Variants in ABCC12 observed in about 807,000 individuals in gnomAD.
ABCC12 encodes ATP binding cassette subfamily C member 12.
In ABCC12, 142 loss-of-function variants were observed where a neutral mutation model predicts 151.1. The ratio of observed to expected loss-of-function variants is 0.94; its 90% CI spans 0.82 to 1.08. The LOEUF (loss-of-function observed/expected upper bound fraction) is 1.08. Ranked by LOEUF, ABCC12 falls within the 50% of genes least tolerant of loss-of-function variation. ABCC12 has a pLI of 0.00. For missense variants in ABCC12, 1,638 were observed against 1,691.1 expected, an observed-to-expected ratio of 0.97 and a Z score of 0.55; for synonymous variants, 645 against 646.4, an observed-to-expected ratio of 1.00 and a Z score of 0.03.
intron 23 of ABCC12, among the ~76,000 whole-genome samples, chr16:48,097,523 G>A (rs1265932913): frequency 1.3e-5 from 2 of 152,194 alleles, no homozygotes; most frequent in Non-Finnish European, 2.9e-5. Context: ...CGTCCACGGA[G>A]CCAAAGGGCT....
At position 48,108,484 on chromosome 16, in the gene ABCC12, GT is replaced by G; in HGVS notation, c.2326del (p.Thr776ProfsTer2). On this transcript the variant is annotated frameshift_variant, in exon 19 of 31. Coordinates refer to ENST00000311303, the MANE Select transcript of ABCC12 (RefSeq NM_001393797.1). LOFTEE classifies it high-confidence loss of function. ...CGTGTGATATGTTTTCCAGGTCACG[GT>G]TCCTTCCTGGGGGGATTCAGTCTGG... Reference protein sequence around the residue: ...LIQTESPQEGTVTWKTYHTYI... With the variant: ...LIQTESPQEGXVTWKTYHTYI... 6.2e-7 allele frequency: 1 copy of G among 1,614,156 alleles called. No individual in the cohort carries two copies. The highest frequency in any genetic ancestry group is 1.1e-5 in the South Asian group (1 of 91,070).
chr16:48,133,250 TGTGGCTCAC>T (rs1240988498), intron 9 of ABCC12, among the ~76,000 whole-genome samples: 1 of 152,164 alleles, frequency 6.6e-6, no homozygotes, highest in Non-Finnish European at 1.5e-5. Flanking sequence ...GGCCCGGCAC[TGTGGCTCAC>T]GCCTGTAATT....
chr16:48,109,255 C>T lies in ABCC12; in HGVS notation c.2282-726G>A, dbSNP rs182600458. Among the ~76,000 whole-genome samples, 25 of 152,256 alleles carry T rather than the reference C, an allele frequency of 1.6e-4. No homozygotes were observed. The East Asian group carries it at 3.7e-3, about 22-fold the overall frequency. On this transcript the variant is annotated intron_variant, in intron 18 of 30. Transcript: ENST00000311303. Reference sequence around the variant, plus strand: ...GAGCTCATGCCATACAGAAGAAAACCAGCGTATCCCCCTAGGTCAGCTGCT... The same window carrying T: ...GAGCTCATGCCATACAGAAGAAAACTAGCGTATCCCCCTAGGTCAGCTGCT...
chr16:48,109,833 C>T (rs1963625387), intron 18 of ABCC12, among the ~76,000 whole-genome samples: 1 of 152,252 alleles, frequency 6.6e-6, no homozygotes, highest in African/African-American at 2.4e-5. Flanking sequence ...CTCTGTTTGC[C>T]TCGGCTGTGC....
chr16:48,118,477 G>C (rs1597314518), intron 13 of ABCC12, among the ~76,000 whole-genome samples: 1 of 152,342 alleles, frequency 6.6e-6, no homozygotes, highest in South Asian at 2.1e-4. Context: ...TTAGGTTTCT[G>C]TCCTGCTCAG....
chr16:48,154,743 TAAC>T (rs1386243177), intron 1 of ABCC12, among the ~76,000 whole-genome samples: 1 of 152,246 alleles, frequency 6.6e-6, no homozygotes, highest in Non-Finnish European at 1.5e-5. Context: ...CCCAGAAAAT[TAAC>T]AACTTTATGT....
chr16:48,152,070 G>A (rs1170115233), intron 2 of ABCC12, among the ~76,000 whole-genome samples: 3 of 152,170 alleles, frequency 2.0e-5, no homozygotes, highest in Admixed American at 2.0e-4. Flanking sequence ...TGGCATGACC[G>A]TGAAAGACTT....
At chr16:48,114,109 C>T (rs1963793440) in intron 15 of ABCC12, among the ~76,000 whole-genome samples, 1 of 152,190 alleles carries the variant, frequency 6.6e-6, no homozygotes, top group South Asian at 2.1e-4. Context: ...GAACTAGGAG[C>T]TCTTGCCCAC....
At chr16:48,088,229 G>GT in intron 26 of ABCC12, 144 bp from the exon 27 acceptor site, 1 of 1,040,574 alleles carries the variant, frequency 9.6e-7, no homozygotes, top group Non-Finnish European at 1.4e-6. Flanking sequence ...CCTCACCAGG[G>GT]TGGGGGTGGA....
In ABCC12 at chr16:48,133,663, C is replaced by G. The variant is rs9940987; in HGVS notation, c.1128+24G>C. On this transcript the variant is annotated intron_variant, in intron 9 of 30. Transcript: ENST00000311303. Reference sequence around the variant, plus strand: ...TTGCCGGGGTCAGGTTGTGAAAGAGCCTCGATCTGGAGCCAGCTCTTACCA... The same window carrying G: ...TTGCCGGGGTCAGGTTGTGAAAGAGGCTCGATCTGGAGCCAGCTCTTACCA... The G allele has an allele frequency of 0.01, 16,888 of 1,610,612 alleles. 1,600 individuals are homozygous for G. The African/African-American group carries it at 0.2, about 19-fold the overall frequency.
At position 48,120,833 on chromosome 16, in the gene ABCC12, C is replaced by T. The variant is rs138820501; in HGVS notation, c.1712+883G>A. Among the ~76,000 whole-genome samples, 1,208 of 152,210 alleles carry T rather than the reference C, an allele frequency of 7.9e-3. 14 individuals carry two copies. The highest frequency in any genetic ancestry group is 0.027 in the African/African-American group (1,124 of 41,524). On this transcript the variant is annotated intron_variant, in intron 13 of 30. Transcript: ENST00000311303. ...ACTCCCAAAGTTCTGGGATTACAGG[C>T]GTGAGCCACTGCGCCCAGCTAATGG...
intron 25 of ABCC12, among the ~76,000 whole-genome samples, chr16:48,089,188 G>A (rs1962771626): frequency 6.6e-6 from 1 of 152,190 alleles, no homozygotes; most frequent in Non-Finnish European, 1.5e-5. Context: ...AAAGTCATGT[G>A]GCTGGAGCTT....
At chr16:48,146,499 T>G in intron 2 of ABCC12, 25 bp from the exon 3 acceptor site, 1 of 1,193,266 alleles carries the variant, frequency 8.4e-7, no homozygotes, top group Non-Finnish European at 1.2e-6. Flanking sequence ...TGGCAAAGGT[T>G]ATTGAGAGGT....
rs776571832 is a variant in ABCC12 at position 48,083,278 on chromosome 16, C to T, written c.*437G>A. 7 of 170,688 alleles carry T rather than the reference C, an allele frequency of 4.1e-5. No individual in the cohort carries two copies. Among genetic ancestry groups the T allele is most frequent in the Non-Finnish European group, 4.9e-5 (4 of 81,690 alleles). 10.6% of individuals were successfully genotyped at this position (170,688 alleles called of 1,614,324 possible). A position where few individuals can be genotyped will look rare whatever the true frequency, so the allele number is the denominator to read the frequency against. On this transcript the variant is annotated 3_prime_UTR_variant, in exon 31 of 31. Coordinates refer to ENST00000311303, the MANE Select transcript of ABCC12 (RefSeq NM_001393797.1). Reference sequence around the variant, plus strand: ...CAAGATGGAAGTGAGTGGGGTTAAACGAGAAGAAAATTCTGCTCTTTTTCC... The same window carrying T: ...CAAGATGGAAGTGAGTGGGGTTAAATGAGAAGAAAATTCTGCTCTTTTTCC...
chr16:48,089,649 C>T (rs1412981144), intron 25 of ABCC12, among the ~76,000 whole-genome samples: 2 of 152,060 alleles, frequency 1.3e-5, no homozygotes, highest in East Asian at 3.8e-4. Context: ...TGAGAAAATA[C>T]CTGTATTGTT....
In ABCC12 at chr16:48,141,323, T is replaced by C. The variant is rs746212697; in HGVS notation, c.306A>G (p.Ala102=). The C allele has an allele frequency of 6.2e-7, 1 of 1,614,230 alleles. No homozygotes were observed. Among genetic ancestry groups the C allele is most frequent in the Non-Finnish European group, 8.5e-7 (1 of 1,180,044 alleles). The change falls in exon 5 of 31, where the codon GCA becomes GCG. Residue 102 remains alanine, a synonymous_variant. Transcript: ENST00000311303. The part of the protein sequence containing the change: ...RFRVLWDEEV[A]RVGPEKASLS... ...GAGAGGCCTTCTCAGGACCCACCCT[T>C]GCTACCTCTTCATCCCAAAGGACTC... is the stretch of plus-strand genomic sequence containing the variant.
chr16:48,121,636 T>A (rs576291785), intron 13 of ABCC12, 80 bp downstream of exon 13: 2 of 1,553,978 alleles, frequency 1.3e-6, no homozygotes, highest in African/African-American at 2.7e-5. Flanking sequence ...CACTTAGCAG[T>A]CATTACCAAC....
intron 15 of ABCC12, among the ~76,000 whole-genome samples, chr16:48,114,277 A>G (rs1963799590): frequency 6.6e-6 from 1 of 152,156 alleles, no homozygotes; most frequent in Non-Finnish European, 1.5e-5. Flanking sequence ...CATCACAGCA[A>G]TGGGAAAGCT....
intron 8 of ABCC12, among the ~76,000 whole-genome samples, chr16:48,137,516 C>T (rs988352417): frequency 3.3e-5 from 5 of 152,260 alleles, no homozygotes; most frequent in African/African-American, 9.6e-5. Flanking sequence ...TGGGGCACTT[C>T]CTTTGGCCAG....
Sources: gnomAD v4.1 joint callset for allele counts (sites outside exome capture counted in the v4.1 genomes callset) on GRCh38, gnomAD v4.1.1 for gene constraint, MANE v1.5 for transcripts, NCBI Gene and HGNC (gene_info 2026-07-23, HGNC 2026-07-21) for gene names.